Variants in ANKS1B observed in about 807,000 individuals in gnomAD.
The protein encoded by ANKS1B is ankyrin repeat and sterile alpha motif domain containing 1B.
A neutral mutation model predicts 148.3 loss-of-function variants in ANKS1B; 36 were observed. The ratio of observed to expected loss-of-function variants is 0.24; its 90% CI spans 0.19 to 0.32. The LOEUF is 0.32. ANKS1B is among the 10% of genes least tolerant of loss of function. The pLI is 1.00. For synonymous variants in ANKS1B, 542 were observed against 560.8 expected, an observed-to-expected ratio of 0.97 and a Z score of 0.47; for missense variants, 1,157 against 1,542.6, an observed-to-expected ratio of 0.75 and a Z score of 4.19.
intron 14 of ANKS1B, among the ~76,000 whole-genome samples, chr12:99,223,521 G>C (rs2085430387): frequency 6.6e-6 from 1 of 151,914 alleles, no homozygotes; most frequent in African/African-American, 2.4e-5. Flanking sequence ...TTCTCATAAG[G>C]AGCACACAGT....
At chr12:99,969,155 G>A (rs2095527033) in intron 1 of ANKS1B, among the ~76,000 whole-genome samples, 1 of 152,060 alleles carries the variant, frequency 6.6e-6, no homozygotes, top group South Asian at 2.1e-4. Context: ...TAGAATTTTG[G>A]GGGTAAAAAA....
chr12:98,753,363 TCA>T (rs1205169146), intron 25 of ANKS1B, among the ~76,000 whole-genome samples: 1 of 151,992 alleles, frequency 6.6e-6, no homozygotes, highest in African/African-American at 2.4e-5. Flanking sequence ...TGCATACTGG[TCA>T]CAGAGAGTGT....
chr12:99,297,042 G>T (rs2080966203), intron 12 of ANKS1B, among the ~76,000 whole-genome samples: 1 of 152,016 alleles, frequency 6.6e-6, no homozygotes, highest in Admixed American at 6.6e-5. Context: ...AGCTTTGTTA[G>T]CAGAATTTAA....
chr12:99,718,336 C>T (rs1567709510), intron 8 of ANKS1B, among the ~76,000 whole-genome samples: 1 of 152,076 alleles, frequency 6.6e-6, no homozygotes, highest in Non-Finnish European at 1.5e-5. Flanking sequence ...CACCCTTCTT[C>T]CCAATCCAAA....
intron 17 of ANKS1B, among the ~76,000 whole-genome samples, chr12:98,981,961 A>G (rs987634618): frequency 3.9e-5 from 6 of 152,244 alleles, no homozygotes; most frequent in Non-Finnish European, 7.3e-5. Context: ...CCAACCATTA[A>G]TTAAATGGCT....
chr12:98,736,068 A>G (rs1455961589), intron 9 of ANKS1B, among the ~76,000 whole-genome samples: 1 of 152,126 alleles, frequency 6.6e-6, no homozygotes, highest in Non-Finnish European at 1.5e-5. Flanking sequence ...CTAACAGGAG[A>G]GGCAGAGAGG....
At chr12:98,916,155 A>C (rs930014539) in intron 17 of ANKS1B, among the ~76,000 whole-genome samples, 4 of 152,250 alleles carry the variant, frequency 2.6e-5, no homozygotes, top group Admixed American at 2.0e-4. Context: ...GAAGTAATAA[A>C]AGTTATAGTC....
intron 9 of ANKS1B, among the ~76,000 whole-genome samples, chr12:99,613,634 T>A (rs2097920555): frequency 6.6e-6 from 1 of 152,036 alleles, no homozygotes; most frequent in Admixed American, 6.6e-5. Context: ...TTCTCACTTA[T>A]AAGTGGCAGC....
At chr12:99,784,503 T>C (rs1379075937) in intron 4 of ANKS1B, among the ~76,000 whole-genome samples, 1 of 152,136 alleles carries the variant, frequency 6.6e-6, no homozygotes, top group East Asian at 1.9e-4. Flanking sequence ...TTCATATTGC[T>C]TTCTTCCACA....
chr12:99,658,499 G>A (rs1453049991), intron 8 of ANKS1B, among the ~76,000 whole-genome samples: 1 of 151,832 alleles, frequency 6.6e-6, no homozygotes, highest in African/African-American at 2.4e-5. Context: ...ATGTTCTTCT[G>A]CTTGTCTCTC....
chr12:99,622,484 AT>A (rs2098065685), intron 9 of ANKS1B, among the ~76,000 whole-genome samples: 1 of 152,026 alleles, frequency 6.6e-6, no homozygotes, highest in African/African-American at 2.4e-5. Context: ...GGATAAAAAA[AT>A]CAATATACTG....
intron 14 of ANKS1B, among the ~76,000 whole-genome samples, chr12:99,225,118 T>A (rs1254426445): frequency 6.6e-6 from 1 of 152,166 alleles, no homozygotes; most frequent in Non-Finnish European, 1.5e-5. Context: ...TATACCTGGC[T>A]ATATATAAAT....
intron 17 of ANKS1B, among the ~76,000 whole-genome samples, chr12:98,922,985 G>T (rs999591413): frequency 6.6e-6 from 1 of 152,144 alleles, no homozygotes; most frequent in East Asian, 1.9e-4. Context: ...TGGTTTGGAT[G>T]TGTTTTTTTC....
At chr12:99,904,166 T>C (rs2093696923) in intron 1 of ANKS1B, among the ~76,000 whole-genome samples, 1 of 151,610 alleles carries the variant, frequency 6.6e-6, no homozygotes, top group Admixed American at 6.6e-5. Flanking sequence ...ATTTCACTTA[T>C]TCCATTTACA....
At chr12:98,901,108 C>T (rs1476823099) in intron 17 of ANKS1B, among the ~76,000 whole-genome samples, 1 of 152,140 alleles carries the variant, frequency 6.6e-6, no homozygotes, top group Non-Finnish European at 1.5e-5. Flanking sequence ...ATGTGAACCT[C>T]TATTTTTGCT....
In ANKS1B at chr12:98,782,445, T is replaced by C. The variant is rs183645632; in HGVS notation, c.3343-308A>G. The stretch of plus-strand genomic sequence containing the variant: ...GAGCTTTCAACAACTAGTTGTCTTA[T>C]GTCTATTAAGGGAATCAGGAAAAAA... On this transcript the variant is annotated intron_variant, in intron 22 of 26. Transcript: ENST00000683438. Among the ~76,000 whole-genome samples, 698 of 152,338 alleles carry C rather than the reference T, an allele frequency of 4.6e-3. 6 individuals are homozygous for C. The highest frequency in any genetic ancestry group is 7.4e-3 in the Admixed American group (113 of 15,296).
intron 1 of ANKS1B, among the ~76,000 whole-genome samples, chr12:99,911,050 T>A (rs2093990338): frequency 6.6e-6 from 1 of 152,164 alleles, no homozygotes; most frequent in Admixed American, 6.5e-5. Flanking sequence ...TTTTTTATAA[T>A]CCTCACAACA....
At chr12:99,852,396 C>A (rs1023502232) in intron 1 of ANKS1B, among the ~76,000 whole-genome samples, 1 of 152,144 alleles carries the variant, frequency 6.6e-6, no homozygotes, top group Non-Finnish European at 1.5e-5. Context: ...ATGTTAGAAG[C>A]TTTAGGGCTA....
At chr12:99,393,421 T>G (rs900318273) in intron 12 of ANKS1B, among the ~76,000 whole-genome samples, 2 of 152,148 alleles carry the variant, frequency 1.3e-5, no homozygotes, top group African/African-American at 4.8e-5. Context: ...CCTTGGCACC[T>G]CAAGGAAGAG....
Sources: gnomAD v4.1 joint callset for allele counts (sites outside exome capture counted in the v4.1 genomes callset) on GRCh38, gnomAD v4.1.1 for gene constraint, MANE v1.5 for transcripts, NCBI Gene and HGNC (gene_info 2026-07-23, HGNC 2026-07-21) for gene names.